The following TAFA2 variants were observed in gnomAD, a reference collection of about 807,000 sequenced individuals.
TAFA2 encodes chemokine-like protein TAFA-2.
Under a neutral mutation model 18.8 loss-of-function variants are expected in TAFA2, and 7 were observed. The observed-to-expected ratio is 0.37, with a 90% CI of 0.21 to 0.70. The LOEUF (loss-of-function observed/expected upper bound fraction) is 0.70. Among genes scored for constraint, TAFA2 ranks in the 30% least tolerant of loss-of-function variants. TAFA2 has a pLI of 0.53. For synonymous variants in TAFA2, 60 were observed against 54.2 expected (o/e 1.11, Z -0.47); for missense variants, 122 against 158.1 (o/e 0.77, Z 1.23).
chr12:62,160,404 T>G (rs142499030), intron 1 of TAFA2, among the ~76,000 whole-genome samples: 83 of 152,342 alleles, frequency 5.4e-4, no homozygotes, highest in African/African-American at 2.0e-3. Flanking sequence ...CTCAGATCAT[T>G]TCGTTCATAC....
At chr12:62,242,943 G>C (rs1473131654) in intron 1 of TAFA2, among the ~76,000 whole-genome samples, 2 of 152,158 alleles carry the variant, frequency 1.3e-5, no homozygotes, top group African/African-American at 2.4e-5. Context: ...GTTAACAAAA[G>C]CACCTTTTTT....
At position 62,126,885 on chromosome 12, in the gene TAFA2, G is replaced by A. The variant is rs184950661; in HGVS notation, c.-2+64374C>T. Among the ~76,000 whole-genome samples, 377 of 152,038 alleles carry A rather than the reference G, an allele frequency of 2.5e-3. 2 individuals carry two copies. The highest frequency in any genetic ancestry group is 3.1e-3 in the Non-Finnish European group (214 of 67,970). ...TTTTTGAACAAATCTTTCTTTTTCA[G>A]TAGAGAAATCTTTTCCCCCAAGATC... is the stretch of plus-strand genomic sequence containing the variant. On this transcript the variant is annotated intron_variant, in intron 1 of 4. Transcript: ENST00000416284.
At chr12:62,254,685 A>G (rs1478777972) in intron 1 of TAFA2, among the ~76,000 whole-genome samples, 1 of 152,192 alleles carries the variant, frequency 6.6e-6, no homozygotes, top group East Asian at 1.9e-4. Context: ...CATTGTTGGT[A>G]TCTTCTAATT....
At chr12:61,924,057 C>G (rs574955784) in intron 1 of TAFA2, among the ~76,000 whole-genome samples, 1 of 150,460 alleles carries the variant, frequency 6.6e-6, no homozygotes, top group Non-Finnish European at 1.5e-5. Flanking sequence ...AGAAAAGGAA[C>G]GAACAAAGCC....
chr12:61,915,886 A>C (rs901707406), intron 1 of TAFA2, among the ~76,000 whole-genome samples: 1 of 152,178 alleles, frequency 6.6e-6, no homozygotes, highest in Non-Finnish European at 1.5e-5. Flanking sequence ...TCCCAATTCT[A>C]ATCTCTTCCA....
chr12:62,231,950 C>T (rs1471081729), intron 1 of TAFA2, among the ~76,000 whole-genome samples: 1 of 152,136 alleles, frequency 6.6e-6, no homozygotes, highest in Non-Finnish European at 1.5e-5. Context: ...TCAAGTTATC[C>T]TCCACCTTGG....
intron 1 of TAFA2, among the ~76,000 whole-genome samples, chr12:61,879,025 A>G (rs1247927722): frequency 6.6e-6 from 1 of 152,166 alleles, no homozygotes; most frequent in Non-Finnish European, 1.5e-5. Flanking sequence ...AAAACCAGTT[A>G]TCCACCAGGC....
intron 1 of TAFA2, among the ~76,000 whole-genome samples, chr12:62,011,751 T>TAAAAAA (rs202026493): frequency 3.4e-4 from 35 of 102,788 alleles, no homozygotes; most frequent in Non-Finnish European, 4.6e-4. Flanking sequence ...CAATAAATAC[T>TAAAAAA]AAAAAAAAAA....
intron 1 of TAFA2, among the ~76,000 whole-genome samples, chr12:61,905,522 G>T (rs2121328179): frequency 6.6e-6 from 1 of 152,258 alleles, no homozygotes; most frequent in South Asian, 2.1e-4. Context: ...TGAGGATTAG[G>T]TTTAATATTT....
chr12:61,712,850 A>G (rs1247234198), intron 4 of TAFA2, among the ~76,000 whole-genome samples: 2 of 152,046 alleles, frequency 1.3e-5, no homozygotes, highest in Non-Finnish European at 2.9e-5. Flanking sequence ...AAGAGGACAC[A>G]TGGTGATTCG....
chr12:61,743,640 C>T (rs1336064138), intron 4 of TAFA2, among the ~76,000 whole-genome samples: 4 of 152,028 alleles, frequency 2.6e-5, no homozygotes, highest in African/African-American at 9.7e-5. Flanking sequence ...AAACAACTCT[C>T]CACTACTCAC....
chr12:62,182,569 T>C (rs1489349942), intron 1 of TAFA2, among the ~76,000 whole-genome samples: 1 of 152,224 alleles, frequency 6.6e-6, no homozygotes, highest in African/African-American at 2.4e-5. Context: ...AGAACCTTCA[T>C]TTTAGCAAAA....
At chr12:61,787,290 A>G (rs188973544) in intron 2 of TAFA2, among the ~76,000 whole-genome samples, 57 of 151,738 alleles carry the variant, frequency 3.8e-4, no homozygotes, top group African/African-American at 1.4e-3. Flanking sequence ...CACCAGACTG[A>G]TCTTACAAGA....
chr12:61,961,060 C>T (rs1480299069), intron 1 of TAFA2, among the ~76,000 whole-genome samples: 1 of 151,810 alleles, frequency 6.6e-6, no homozygotes, highest in African/African-American at 2.4e-5. Flanking sequence ...TTGTAAGTTT[C>T]CTGGTGAGGC....
At chr12:61,797,869 T>C (rs1039765517) in intron 2 of TAFA2, among the ~76,000 whole-genome samples, 3 of 152,228 alleles carry the variant, frequency 2.0e-5, no homozygotes, top group Admixed American at 2.0e-4. Flanking sequence ...GACTTTCTCC[T>C]GTATGAAATT....
chr12:61,908,557 A>G (rs74706652), intron 1 of TAFA2, among the ~76,000 whole-genome samples: 2,169 of 152,204 alleles, frequency 0.014, 42 homozygotes, highest in African/African-American at 0.05. Context: ...GAACGGACTA[A>G]TACACAAAGA....
intron 2 of TAFA2, among the ~76,000 whole-genome samples, chr12:61,850,740 CA>C (rs1325797652): frequency 6.6e-6 from 1 of 151,896 alleles, no homozygotes; most frequent in African/African-American, 2.4e-5. Context: ...TTATTCATTT[CA>C]TAGACGAAAT....
At chr12:61,760,003 G>C (rs986182444) in intron 2 of TAFA2, among the ~76,000 whole-genome samples, 1 of 150,844 alleles carries the variant, frequency 6.6e-6, no homozygotes, top group Non-Finnish European at 1.5e-5. Flanking sequence ...TAGATGTTAG[G>C]AGATTAATAG....
chr12:61,804,926 T>C (rs1871547348), intron 2 of TAFA2, among the ~76,000 whole-genome samples: 2 of 151,972 alleles, frequency 1.3e-5, no homozygotes, highest in African/African-American at 4.8e-5. Context: ...AAGTCACCTA[T>C]ACCATTTCTA....
Sources: gnomAD v4.1 joint callset for allele counts (sites outside exome capture counted in the v4.1 genomes callset) on GRCh38, gnomAD v4.1.1 for gene constraint, MANE v1.5 for transcripts, NCBI Gene and HGNC (gene_info 2026-07-23, HGNC 2026-07-21) for gene names.